Variants in MTUS2 observed in about 807,000 individuals in gnomAD.
MTUS2 encodes microtubule-associated tumor suppressor candidate 2.
MTUS2 carries 40 observed loss-of-function variants against 114.1 expected under a neutral mutation model. That is an observed-to-expected ratio of 0.35 (90% CI 0.27 to 0.46). The LOEUF is 0.46. MTUS2 is among the 20% of genes least tolerant of loss of function. MTUS2 has a pLI of 1.00. For synonymous variants in MTUS2, 688 were observed against 672.0 expected, an observed-to-expected ratio of 1.02 and a Z score of -0.37; for missense variants, 1,679 against 1,705.4, an observed-to-expected ratio of 0.98 and a Z score of 0.27.
chr13:28,847,732 G>C (rs1875983177), intron 2 of MTUS2, among the ~76,000 whole-genome samples: 1 of 152,154 alleles, frequency 6.6e-6, no homozygotes, highest in South Asian at 2.1e-4. Flanking sequence ...TCTCCTGGCT[G>C]GTCTCAAGTC....
At chr13:29,495,629 G>T (rs2138998771) in intron 12 of MTUS2, among the ~76,000 whole-genome samples, 1 of 152,282 alleles carries the variant, frequency 6.6e-6, no homozygotes, top group South Asian at 2.1e-4. Flanking sequence ...CCGACACTCT[G>T]GGAGGCCGAG....
At chr13:28,990,891 G>A (rs1176760644) in intron 2 of MTUS2, among the ~76,000 whole-genome samples, 3 of 151,922 alleles carry the variant, frequency 2.0e-5, no homozygotes, top group African/African-American at 7.3e-5. Flanking sequence ...AGAAGTCAGC[G>A]AGACCACGAA....
At chr13:29,459,004 C>T (rs1879302781) in intron 9 of MTUS2, among the ~76,000 whole-genome samples, 1 of 152,212 alleles carries the variant, frequency 6.6e-6, no homozygotes, top group South Asian at 2.1e-4. Flanking sequence ...CCACAAAGGG[C>T]ATATTTCAGC....
intron 5 of MTUS2, among the ~76,000 whole-genome samples, chr13:29,148,200 C>CT (rs551708762): frequency 6.4e-4 from 89 of 138,534 alleles, no homozygotes; most frequent in South Asian, 1.4e-3. Context: ...TGATGTTGAG[C>CT]TTTTTTTTTT....
chr13:29,374,607 G>A (rs1162262955), intron 8 of MTUS2, among the ~76,000 whole-genome samples: 1 of 152,170 alleles, frequency 6.6e-6, no homozygotes, highest in Non-Finnish European at 1.5e-5. Flanking sequence ...TATAAATGAA[G>A]ATGAAATAGG....
At position 29,209,900 on chromosome 13, in the gene MTUS2, G is replaced by A. The variant is rs1895353425; in HGVS notation, c.2645-71804G>A. 2.0e-5 allele frequency among the ~76,000 whole-genome samples: 3 copies of A among 152,100 alleles called. No homozygotes were observed. The South Asian group carries it at 6.2e-4, about 32-fold the overall frequency. ...TTCACTTTAGATAACCTGATGACTA[G>A]GTGCCTAGGCAATTATCTTTTTGCA... On this transcript the variant is annotated intron_variant, in intron 5 of 15. Coordinates refer to ENST00000612955, the MANE Select transcript of MTUS2 (RefSeq NM_001033602.4).
chr13:29,449,061 C>T (rs4272876), intron 9 of MTUS2, among the ~76,000 whole-genome samples: 63,041 of 151,976 alleles, frequency 0.41, 13,384 homozygotes, highest in Admixed American at 0.5. Context: ...GCCTAAAGCA[C>T]TCTTTCTAGC....
chr13:29,281,611 T>C (rs1898272602), intron 5 of MTUS2, 93 bp from the exon 6 acceptor site: 1 of 1,350,142 alleles, frequency 7.4e-7, no homozygotes. Flanking sequence ...CTAAAGCAGA[T>C]GACGGCAGTA....
chr13:29,229,964 G>A (rs1474686175), intron 5 of MTUS2, among the ~76,000 whole-genome samples: 1 of 152,084 alleles, frequency 6.6e-6, no homozygotes, highest in Admixed American at 6.5e-5. Context: ...ACCAAGTATT[G>A]GGCCGGGCAC....
In MTUS2 at chr13:29,359,304, C is replaced by T. The variant is rs756042472; in HGVS notation, c.2948C>T (p.Pro983Leu). ...ACTGCGGCAGCTCGAAATGGGTTTC[C>T]GCCCAAGCCGGACCCGCAGGCCCGT... ...QRTAAARNGF[P>L]PKPDPQAREA... Residue 983 changes from proline (P) to leucine (L), a missense_variant, in exon 8 of 16, where the codon CCG (proline) becomes CTG (leucine). Physicochemically the swap from Pro to Leu is moderately conservative, Grantham distance 98 (BLOSUM62 -3). Coordinates refer to ENST00000612955, the MANE Select transcript of MTUS2 (RefSeq NM_001033602.4). 31 of 1,607,786 alleles carry T rather than the reference C, an allele frequency of 1.9e-5. No homozygotes were observed. Among genetic ancestry groups the T allele is most frequent in the African/African-American group, 4.0e-5 (3 of 74,952 alleles).
intron 7 of MTUS2, among the ~76,000 whole-genome samples, chr13:29,349,891 C>T (rs571222569): frequency 5.3e-5 from 8 of 152,180 alleles, no homozygotes; most frequent in Non-Finnish European, 7.4e-5. Flanking sequence ...ATTTTTGGAT[C>T]TGTTTTTATA....
chr13:29,405,141 A>G (rs1033600319), intron 8 of MTUS2, among the ~76,000 whole-genome samples: 2 of 152,192 alleles, frequency 1.3e-5, no homozygotes, highest in African/African-American at 4.8e-5. Flanking sequence ...CCAGCAATTC[A>G]ATGAAAGAGT....
At chr13:29,294,131 AT>A (rs1197039356) in intron 6 of MTUS2, among the ~76,000 whole-genome samples, 1 of 152,168 alleles carries the variant, frequency 6.6e-6, no homozygotes, top group African/African-American at 2.4e-5. Context: ...ACAGAAAAAA[AT>A]GAAACAAAAA....
At chr13:29,194,898 T>C (rs1452848489) in intron 5 of MTUS2, among the ~76,000 whole-genome samples, 11 of 148,934 alleles carry the variant, frequency 7.4e-5, no homozygotes, top group African/African-American at 2.5e-4. Context: ...ATATACACCA[T>C]GGAATACTAT....
intron 5 of MTUS2, among the ~76,000 whole-genome samples, chr13:29,170,760 A>C (rs754325003): frequency 6.6e-6 from 1 of 152,160 alleles, no homozygotes; most frequent in Non-Finnish European, 1.5e-5. Context: ...ACCAACTCCA[A>C]ATTTTCCTCC....
intron 9 of MTUS2, among the ~76,000 whole-genome samples, chr13:29,447,185 G>C (rs1175471998): frequency 6.6e-6 from 1 of 152,136 alleles, no homozygotes; most frequent in Non-Finnish European, 1.5e-5. Context: ...TACTCAACAT[G>C]TGTTTCCTTG....
At chr13:28,994,771 G>A (rs1593365298) in intron 2 of MTUS2, among the ~76,000 whole-genome samples, 1 of 152,006 alleles carries the variant, frequency 6.6e-6, no homozygotes, top group Non-Finnish European at 1.5e-5. Flanking sequence ...TTGTAAATTT[G>A]TTTGAGTTCA....
intron 2 of MTUS2, among the ~76,000 whole-genome samples, chr13:28,931,344 A>G (rs1222886995): frequency 6.6e-6 from 1 of 152,164 alleles, no homozygotes; most frequent in Non-Finnish European, 1.5e-5. Context: ...CAACTTCCCC[A>G]GGTGTTGAGG....
chr13:28,881,748 A>C (rs988249055), intron 2 of MTUS2, among the ~76,000 whole-genome samples: 6 of 152,130 alleles, frequency 3.9e-5, no homozygotes, highest in Admixed American at 1.3e-4. Flanking sequence ...GCATTTTTTC[A>C]TGTTTGTTTA....
Sources: gnomAD v4.1 joint callset for allele counts (sites outside exome capture counted in the v4.1 genomes callset) on GRCh38, gnomAD v4.1.1 for gene constraint, MANE v1.5 for transcripts, NCBI Gene and HGNC (gene_info 2026-07-23, HGNC 2026-07-21) for gene names.